UTS2B: variants seen among roughly 807,000 people sequenced by gnomAD.
The protein encoded by UTS2B is urotensin 2B.
A neutral mutation model predicts 19.2 loss-of-function variants in UTS2B; 21 were observed. The observed-to-expected ratio is 1.09, with a 90% CI of 0.78 to 1.58. The LOEUF (loss-of-function observed/expected upper bound fraction) is 1.58. UTS2B is among the 40% of genes most tolerant of loss of function. UTS2B has a pLI of 0.00. For missense variants in UTS2B, 138 were observed against 130.3 expected (o/e 1.06, Z -0.29); for synonymous variants, 57 against 50.2 (o/e 1.14, Z -0.58).
intron 4 of UTS2B, among the ~76,000 whole-genome samples, chr3:191,297,312 C>T (rs560325299): frequency 6.6e-6 from 1 of 152,196 alleles, no homozygotes; most frequent in Admixed American, 6.5e-5. Flanking sequence ...TTTTCTTTTA[C>T]CCTGATAGCT....
At chr3:191,301,695 T>C (rs1007852501) in intron 4 of UTS2B, among the ~76,000 whole-genome samples, 1 of 151,646 alleles carries the variant, frequency 6.6e-6, no homozygotes. Context: ...TTCACCGAGT[T>C]AGCCAGGATG....
intron 6 of UTS2B, among the ~76,000 whole-genome samples, chr3:191,277,182 G>C (rs2108571324): frequency 6.6e-6 from 1 of 152,220 alleles, no homozygotes; most frequent in African/African-American, 2.4e-5. Flanking sequence ...GGGGTTGTGG[G>C]CGGGGGGAAG....
intron 4 of UTS2B, among the ~76,000 whole-genome samples, chr3:191,293,330 T>C (rs1716768663): frequency 6.6e-6 from 1 of 152,234 alleles, no homozygotes; most frequent in Non-Finnish European, 1.5e-5. Flanking sequence ...TTAGTGTTAA[T>C]TCTTCCTTAA....
intron 7 of UTS2B, among the ~76,000 whole-genome samples, 158 bp from the exon 8 acceptor site, chr3:191,275,503 A>ACTC (rs1192253294): frequency 6.6e-6 from 1 of 152,102 alleles, no homozygotes; most frequent in Non-Finnish European, 1.5e-5. Flanking sequence ...ACACAGTGAA[A>ACTC]CTCCGCCTCT....
At chr3:191,341,998 G>C in the UTS2B span, among the ~76,000 whole-genome samples, 20 of 152,186 alleles carry the variant, frequency 1.3e-4, no homozygotes, top group African/African-American at 4.3e-4. Context: ...CTCCTAGGTT[G>C]TATAAAACTG....
intron 2 of UTS2B, among the ~76,000 whole-genome samples, chr3:191,317,635 G>T (rs1717502317): frequency 6.6e-6 from 1 of 152,188 alleles, no homozygotes; most frequent in Non-Finnish European, 1.5e-5. Context: ...CTGAAGTGCA[G>T]TGGCACCATC....
chr3:191,336,855 A>G, the UTS2B span, among the ~76,000 whole-genome samples: 1 of 152,254 alleles, frequency 6.6e-6, no homozygotes, highest in African/African-American at 2.4e-5. Context: ...AAGAATGAGC[A>G]GTAATCCTCT....
rs147334806 is a variant in UTS2B, at chr3:191,268,067, G to A, written c.*349C>T. 1,046 of 164,838 alleles carry A rather than the reference G, an allele frequency of 6.3e-3. 7 individuals are homozygous for A. The highest frequency in any genetic ancestry group is 6.4e-3 in the Non-Finnish European group (488 of 76,308). The allele number at this position is 164,838 out of a possible 1,614,324, so 10.2% of individuals were successfully genotyped here. A position where few individuals can be genotyped will look rare whatever the true frequency, so the allele number is the denominator to read the frequency against. ...CCCTATCTTATCCATATGGACAGGCGCCTTCCATGCATCCGTTTATAGGCT... is the reference window on the plus strand; with the variant it reads ...CCCTATCTTATCCATATGGACAGGCACCTTCCATGCATCCGTTTATAGGCT... On this transcript the variant is annotated 3_prime_UTR_variant, in exon 9 of 9. Coordinates refer to ENST00000340524, the MANE Select transcript of UTS2B (RefSeq NM_198152.5).
Position 191,282,152 on chromosome 3 carries a change from A to G in UTS2B, c.38T>C (p.Leu13Pro), listed in dbSNP as rs1375373023. 6.2e-7 allele frequency: 1 copy of G among 1,613,452 alleles called. No individual in the cohort carries two copies. The highest frequency in any genetic ancestry group is 1.1e-5 in the South Asian group (1 of 90,986). Residue 13 changes from leucine to proline, a missense_variant, in exon 5 of 9, where the codon CTC becomes CCC. Coordinates refer to ENST00000340524, the MANE Select transcript of UTS2B (RefSeq NM_198152.5). ...KILSSTVCFG[L>P]LTLLSVLSFL... ...ACTCAACACGGATAACAAAGTTAGG[A>G]GTCCAAAGCAAACAGTGCTTGAGAG...
At chr3:191,314,998 G>C (rs1273770290) in intron 3 of UTS2B, among the ~76,000 whole-genome samples, 1 of 151,498 alleles carries the variant, frequency 6.6e-6, no homozygotes, top group Admixed American at 6.6e-5. Context: ...CCTGAGTTCT[G>C]CGTGCCACCC....
Position 191,327,836 on chromosome 3 carries a change from T to C in UTS2B, c.-586+795A>G, listed in dbSNP as rs187478380. On this transcript the variant is annotated intron_variant, in intron 2 of 8. Coordinates refer to ENST00000340524, the MANE Select transcript of UTS2B (RefSeq NM_198152.5). ...TAGACCACAGGAAGTTAAAAAAAAT[T>C]ACTAGATTACAGGACAATTAAAAAA... Among the ~76,000 whole-genome samples, 3 of 152,310 alleles carry C rather than the reference T, an allele frequency of 2.0e-5. No homozygotes were observed. The East Asian group carries it at 5.8e-4, about 29-fold the overall frequency.
intron 2 of UTS2B, among the ~76,000 whole-genome samples, chr3:191,325,344 A>G (rs775401689): frequency 5.9e-5 from 9 of 151,820 alleles, no homozygotes; most frequent in Non-Finnish European, 1.0e-4. Flanking sequence ...GATAAAAACC[A>G]TGGCACCTCC....
chr3:191,330,589 G>T (rs1451260460), upstream of UTS2B: 1 of 152,180 alleles, frequency 6.6e-6, no homozygotes, highest in Non-Finnish European at 1.5e-5. Flanking sequence ...GAGTGCTGAC[G>T]CAGACCCCTA....
At chr3:191,307,822 T>TTTTCG (rs72278041) in intron 3 of UTS2B, among the ~76,000 whole-genome samples, 1 of 149,874 alleles carries the variant, frequency 6.7e-6, no homozygotes, top group African/African-American at 2.5e-5. Flanking sequence ...TTTTCTTTTC[T>TTTTCG]TTTCGTTTTC....
intron 2 of UTS2B, among the ~76,000 whole-genome samples, chr3:191,317,152 C>T (rs1717482151): frequency 6.6e-6 from 1 of 152,208 alleles, no homozygotes; most frequent in Non-Finnish European, 1.5e-5. Context: ...AGCCCTGCCC[C>T]GCGGGGAGGC....
intron 2 of UTS2B, chr3:191,328,172 T>G (rs977446833): frequency 3.9e-5 from 6 of 152,204 alleles, no homozygotes; most frequent in Admixed American, 1.3e-4. Flanking sequence ...CACCTACTTT[T>G]CAATGTCAAG....
the UTS2B span, among the ~76,000 whole-genome samples, chr3:191,343,857 A>G: frequency 4.3e-4 from 66 of 152,340 alleles, no homozygotes; most frequent in African/African-American, 1.6e-3. Context: ...TCCTCTAACT[A>G]TGTTGAATAC....
At chr3:191,282,385 C>T (rs1374242812) in intron 4 of UTS2B, 72 bp from the exon 5 acceptor site, 1 of 506,980 alleles carries the variant, frequency 2.0e-6, no homozygotes, top group Non-Finnish European at 3.5e-6. Flanking sequence ...TAACATGATT[C>T]ACTACTTGGA....
chr3:191,304,567 T>C lies in UTS2B; in HGVS notation c.-181-19A>G, dbSNP rs1489272208. ...TCTGCTTCTGCAGAAAGCAAATTTA[T>C]ACAATGTGAATATAATGCTCTCGTA... On this transcript the variant is annotated intron_variant, in intron 3 of 8. Coordinates refer to ENST00000340524, the MANE Select transcript of UTS2B (RefSeq NM_198152.5). The C allele has an allele frequency of 3.3e-5, 5 of 152,248 alleles. No individual in the cohort carries two copies. The highest frequency in any genetic ancestry group is 2.9e-5 in the Non-Finnish European group (2 of 68,046). The allele number at this position is 152,248 out of a possible 1,614,324, so 9.4% of individuals were successfully genotyped here.
Sources: gnomAD v4.1 joint callset for allele counts (sites outside exome capture counted in the v4.1 genomes callset) on GRCh38, gnomAD v4.1.1 for gene constraint, MANE v1.5 for transcripts, NCBI Gene and HGNC (gene_info 2026-07-23, HGNC 2026-07-21) for gene names.